The following SASH1 variants were observed in gnomAD, a reference collection of about 807,000 sequenced individuals.
SASH1 encodes the protein SAM and SH3 domain containing 1.
In SASH1, 44 loss-of-function variants were observed where a neutral mutation model predicts 125.2. The observed-to-expected ratio is 0.35, with a 90% CI of 0.28 to 0.45. The LOEUF is 0.45. Among genes scored for constraint, SASH1 ranks in the 20% least tolerant of loss-of-function variants. SASH1 has a pLI of 1.00. For synonymous variants in SASH1, 639 were observed against 649.1 expected, an observed-to-expected ratio of 0.98 and a Z score of 0.24; for missense variants, 1,426 against 1,614.5, an observed-to-expected ratio of 0.88 and a Z score of 2.00.
chr6:148,460,082 T>C (rs1472341630), intron 4 of SASH1, among the ~76,000 whole-genome samples: 1 of 152,188 alleles, frequency 6.6e-6, no homozygotes, highest in African/African-American at 2.4e-5. Flanking sequence ...GCAGGCTTGA[T>C]TTGCAGCAGG....
intron 2 of SASH1, among the ~76,000 whole-genome samples, chr6:148,434,234 G>A (rs1301991422): frequency 2.0e-5 from 3 of 151,728 alleles, no homozygotes; most frequent in Non-Finnish European, 2.9e-5. Flanking sequence ...CCGCCACCAC[G>A]CCAGGCTAAT....
At chr6:148,440,444 A>G (rs1230660557) in intron 4 of SASH1, 37 bp downstream of exon 4, 2 of 1,577,224 alleles carry the variant, frequency 1.3e-6, no homozygotes, top group Non-Finnish European at 8.7e-7. Context: ...CCACCTTCCA[A>G]GAAGGTGTCT....
chr6:148,198,284 G>C, the SASH1 span, among the ~76,000 whole-genome samples: 1 of 152,198 alleles, frequency 6.6e-6, no homozygotes, highest in East Asian at 1.9e-4. Context: ...GTGAAACTGT[G>C]AGTCAATTAA....
intron 8 of SASH1, among the ~76,000 whole-genome samples, chr6:148,505,916 G>C (rs80035407): frequency 0.37 from 55,614 of 151,052 alleles, 10,840 homozygotes; most frequent in Non-Finnish European, 0.45. Context: ...GATTACAGGT[G>C]TGAGCCACCG....
At chr6:148,265,095 A>G in the SASH1 span, among the ~76,000 whole-genome samples, 1 of 152,234 alleles carries the variant, frequency 6.6e-6, no homozygotes, top group East Asian at 1.9e-4. Flanking sequence ...ATTTTTATAT[A>G]ACCTCCAGTT....
intron 2 of SASH1, among the ~76,000 whole-genome samples, chr6:148,416,725 A>G (rs1784835538): frequency 6.6e-6 from 1 of 152,188 alleles, no homozygotes; most frequent in Non-Finnish European, 1.5e-5. Context: ...AGAAACAGAT[A>G]AATAACCCAG....
Position 148,317,706 on chromosome 6 carries a change from T to C in SASH1, n.74+45329T>C, listed in dbSNP as rs376401940. ...TCCCAAAGTGCTGGGATTACAGTCG[T>C]GAGCCACGGCGCCCGGCCAAGGAAA... is the stretch of plus-strand genomic sequence containing the variant. On this transcript the variant is annotated intron_variant and non_coding_transcript_variant, in intron 1 of 3. Transcript: ENST00000367469. Among the ~76,000 whole-genome samples the C allele has an allele frequency of 7.2e-5, 11 of 152,328 alleles. No individual in the cohort carries two copies. The East Asian group carries it at 1.7e-3, about 24-fold the overall frequency.
rs1018230950 is a variant in SASH1, at chr6:148,546,816, C to T, written c.3480+670C>T. 4.6e-5 allele frequency among the ~76,000 whole-genome samples: 7 copies of T among 152,002 alleles called. 1 individual carries two copies. The highest frequency in any genetic ancestry group is 1.9e-4 in the East Asian group (1 of 5,178). ...TTTCTCTGCACATGCGTAATGTATG[C>T]GTAAATGTATAGTACCGAAACCTGA... On this transcript the variant is annotated intron_variant, in intron 19 of 19. Coordinates refer to ENST00000367467, the MANE Select transcript of SASH1 (RefSeq NM_015278.5).
At chr6:148,293,284 GC>G (rs1779681859) in intron 1 of SASH1, among the ~76,000 whole-genome samples, 1 of 152,166 alleles carries the variant, frequency 6.6e-6, no homozygotes, top group Non-Finnish European at 1.5e-5. Context: ...CAAAGATGTT[GC>G]CCTTTTTCTC....
chr6:148,496,757 C>T (rs906192447), intron 8 of SASH1, among the ~76,000 whole-genome samples: 1 of 152,004 alleles, frequency 6.6e-6, no homozygotes, highest in East Asian at 1.9e-4. Context: ...CCTGTAGTCC[C>T]AGCTACTCAG....
intron 1 of SASH1, among the ~76,000 whole-genome samples, chr6:148,332,198 G>A (rs1408041875): frequency 5.3e-5 from 8 of 151,172 alleles, no homozygotes; most frequent in Non-Finnish European, 1.0e-4. Context: ...CATTTGTGGG[G>A]GAAAAAAAAA....
intron 1 of SASH1, among the ~76,000 whole-genome samples, chr6:148,333,626 A>C (rs1388279436): frequency 1.3e-5 from 2 of 151,986 alleles, no homozygotes; most frequent in East Asian, 3.9e-4. Flanking sequence ...CAATGGCGCG[A>C]TCTCGGCTCA....
At chr6:148,500,924 C>A (rs547968584) in intron 8 of SASH1, among the ~76,000 whole-genome samples, 2 of 152,194 alleles carry the variant, frequency 1.3e-5, no homozygotes, top group South Asian at 4.2e-4. Flanking sequence ...CCACAAAGAA[C>A]CTTTCTAGCT....
chr6:148,471,125 A>G (rs1014680211), intron 5 of SASH1, among the ~76,000 whole-genome samples: 18 of 151,986 alleles, frequency 1.2e-4, no homozygotes, highest in Admixed American at 2.0e-4. Context: ...TAGTTAAACA[A>G]ACATCAAAGT....
At chr6:148,291,363 A>C (rs546067257) in intron 1 of SASH1, among the ~76,000 whole-genome samples, 1 of 152,318 alleles carries the variant, frequency 6.6e-6, no homozygotes, top group South Asian at 2.1e-4. Context: ...GTCAATTTAA[A>C]ATTTTTAAAA....
chr6:148,389,931 A>G (rs936325976), intron 1 of SASH1, among the ~76,000 whole-genome samples: 2 of 152,226 alleles, frequency 1.3e-5, no homozygotes, highest in South Asian at 2.1e-4. Context: ...TTACCCATCA[A>G]TATAAGTGGG....
At chr6:148,228,901 C>T in the SASH1 span, among the ~76,000 whole-genome samples, 13 of 151,936 alleles carry the variant, frequency 8.6e-5, no homozygotes, top group Non-Finnish European at 1.3e-4. Flanking sequence ...CTTTGGAGGC[C>T]GAGGCGGGCA....
the SASH1 span, among the ~76,000 whole-genome samples, chr6:148,220,758 T>C: frequency 2.0e-5 from 3 of 151,980 alleles, no homozygotes; most frequent in African/African-American, 7.3e-5. Flanking sequence ...CTACTAAAAA[T>C]ACAAAAATTA....
chr6:148,330,101 T>G (rs920589061), intron 1 of SASH1, among the ~76,000 whole-genome samples: 2 of 152,206 alleles, frequency 1.3e-5, no homozygotes, highest in African/African-American at 4.8e-5. Context: ...TATCGAACTT[T>G]GCTTTATAAT....
Sources: allele counts gnomAD v4.1 joint callset (sites outside exome capture counted in the v4.1 genomes callset), GRCh38; gene constraint gnomAD v4.1.1; transcripts MANE v1.5; gene names NCBI Gene and HGNC (gene_info 2026-07-23, HGNC 2026-07-21).